MIA2: variants seen among roughly 807,000 people sequenced by gnomAD.
MIA2 encodes melanoma inhibitory activity protein 2.
MIA2 carries 127 observed loss-of-function variants against 167.8 expected under a neutral mutation model. That is an observed-to-expected ratio of 0.76 (90% CI 0.66 to 0.88). MIA2 has a LOEUF of 0.88. MIA2 is among the 40% of genes least tolerant of loss of function. The probability of loss-of-function intolerance (pLI) is 0.00; values close to 1 mark genes in which losing one functional copy is unlikely to be tolerated. For missense variants in MIA2, 1,690 were observed against 1,624.7 expected (o/e 1.04, Z -0.69); for synonymous variants, 552 against 541.9 (o/e 1.02, Z -0.26).
rs2051461730 is a variant in MIA2 at position 39,266,808 on chromosome 14, T to G, written c.1888-10126T>G. Reference sequence around the variant, plus strand: ...GGCTGCGGAAGGAAAGCCTTGGGTGTCGGGGCTGGGCCTGGCGTCGGCCCC... The same window carrying G: ...GGCTGCGGAAGGAAAGCCTTGGGTGGCGGGGCTGGGCCTGGCGTCGGCCCC... On this transcript the variant is annotated intron_variant, in intron 6 of 28. Transcript: ENST00000640607. The G allele has an allele frequency of 2.9e-5, 12 of 413,880 alleles. No homozygotes were observed. In the South Asian group the frequency reaches 1.2e-3, roughly 41 times the overall value. 25.6% of individuals were successfully genotyped at this position (413,880 alleles called of 1,614,324 possible). A position where few individuals can be genotyped will look rare whatever the true frequency, so the allele number is the denominator to read the frequency against.
chr14:39,261,203 T>C (rs2055090977), intron 6 of MIA2, among the ~76,000 whole-genome samples: 1 of 152,218 alleles, frequency 6.6e-6, no homozygotes, highest in Non-Finnish European at 1.5e-5. Flanking sequence ...TGTGTTCTCA[T>C]TGTTCAATTC....
At chr14:39,236,260 G>T (rs1178199271) in intron 1 of MIA2, among the ~76,000 whole-genome samples, 2 of 152,264 alleles carry the variant, frequency 1.3e-5, no homozygotes, top group African/African-American at 4.8e-5. Context: ...CAGTAGGCTG[G>T]AATAATCAGG....
At chr14:39,291,578 G>A (rs1347866585) in intron 10 of MIA2, among the ~76,000 whole-genome samples, 2 of 152,156 alleles carry the variant, frequency 1.3e-5, no homozygotes, top group Admixed American at 6.5e-5. Flanking sequence ...ATAAGTAATG[G>A]TGTATGTTGG....
chr14:39,303,847 C>T (rs895182241), intron 16 of MIA2, among the ~76,000 whole-genome samples: 1 of 151,578 alleles, frequency 6.6e-6, no homozygotes, highest in Non-Finnish European at 1.5e-5. Flanking sequence ...ATTTTCTTAC[C>T]CCTTCTGCCC....
Position 39,252,815 on chromosome 14 carries a change from T to C in MIA2, c.1635T>C (p.Ser545=), listed in dbSNP as rs2054640175. 2 of 1,614,006 alleles carry C rather than the reference T, an allele frequency of 1.2e-6. No individual in the cohort carries two copies. The highest frequency in any genetic ancestry group is 1.7e-6 in the Non-Finnish European group (2 of 1,179,898). The change falls in exon 5 of 29, where the codon TCT becomes TCC. Residue 545 remains serine (S), a synonymous_variant. Coordinates refer to ENST00000640607, the MANE Select transcript of MIA2 (RefSeq NM_001329214.4). The part of the protein sequence containing the change: ...HEEVYFEPSS[S]KDSDENSKPS... ...AAGTATATTTTGAACCCTCATCTTC[T>C]AAAGATAGTGATGAAAATTCGAAAC...
chr14:39,349,723 G>A (rs1443510552), intron 28 of MIA2, among the ~76,000 whole-genome samples: 1 of 151,976 alleles, frequency 6.6e-6, no homozygotes, highest in Non-Finnish European at 1.5e-5. Context: ...ATTAGAATTG[G>A]GAATCACTAA....
chr14:39,358,067 G>C (rs1471061870), intron 23 of MIA2, among the ~76,000 whole-genome samples: 2 of 152,034 alleles, frequency 1.3e-5, no homozygotes, highest in East Asian at 1.9e-4. Context: ...CTTTGTGGTG[G>C]TCTCTGTATT....
intron 3 of MIA2, among the ~76,000 whole-genome samples, chr14:39,241,038 G>A (rs148129021): frequency 6.6e-6 from 1 of 152,278 alleles, no homozygotes; most frequent in East Asian, 1.9e-4. Flanking sequence ...AAGAATAAAT[G>A]AGTATATGTA....
At chr14:39,333,269 T>C (rs577069270) in intron 25 of MIA2, among the ~76,000 whole-genome samples, 13 of 152,188 alleles carry the variant, frequency 8.5e-5, no homozygotes, top group Non-Finnish European at 1.9e-4. Context: ...TCTATTCCTC[T>C]AAGAGTGTTA....
intron 2 of MIA2, among the ~76,000 whole-genome samples, chr14:39,238,073 A>G (rs111509340): frequency 9.0e-4 from 136 of 151,872 alleles, no homozygotes; most frequent in Non-Finnish European, 1.4e-3. Flanking sequence ...GCAAAGTTTT[A>G]GTTAATCAGA....
At chr14:39,341,763 A>G (rs1288971630) in intron 25 of MIA2, among the ~76,000 whole-genome samples, 1 of 152,188 alleles carries the variant, frequency 6.6e-6, no homozygotes, top group African/African-American at 2.4e-5. Context: ...CATCAGTTTG[A>G]AATTTATGGT....
At chr14:39,378,427 T>C (rs1268687650) in intron 23 of MIA2, among the ~76,000 whole-genome samples, 1 of 152,230 alleles carries the variant, frequency 6.6e-6, no homozygotes, top group African/African-American at 2.4e-5. Flanking sequence ...GCACCATCTC[T>C]AAATTTATCC....
chr14:39,294,851 C>G (rs1356798705), intron 12 of MIA2, 74 bp from the exon 13 acceptor site: 5 of 969,534 alleles, frequency 5.2e-6, no homozygotes, highest in African/African-American at 1.6e-5. Flanking sequence ...ATTCTGTGTT[C>G]TAGGGAGTAT....
At chr14:39,337,555 C>T (rs2070724631) in intron 25 of MIA2, among the ~76,000 whole-genome samples, 1 of 152,126 alleles carries the variant, frequency 6.6e-6, no homozygotes, top group Admixed American at 6.6e-5. Flanking sequence ...AACCTCAACA[C>T]ATTTAAAAGA....
chr14:39,324,838 C>G (rs1290032702), intron 24 of MIA2, among the ~76,000 whole-genome samples: 1 of 152,100 alleles, frequency 6.6e-6, no homozygotes, highest in Non-Finnish European at 1.5e-5. Flanking sequence ...AACTCCTCAC[C>G]TCAGGTGATC....
At chr14:39,299,068 TAAAAAAAA>T (rs3065043) in intron 13 of MIA2, among the ~76,000 whole-genome samples, 1,299 of 44,066 alleles carry the variant, frequency 0.029, 22 homozygotes, top group African/African-American at 0.087. Flanking sequence ...TCCCTGCCTC[TAAAAAAAA>T]AAAAAAAAAA....
At chr14:39,289,012 C>T (rs538667317) in intron 9 of MIA2, among the ~76,000 whole-genome samples, 6 of 152,076 alleles carry the variant, frequency 3.9e-5, no homozygotes, top group Admixed American at 3.9e-4. Flanking sequence ...ATATTCCCTC[C>T]TGTTGTTTTT....
chr14:39,267,118 T>A (rs985963778), intron 6 of MIA2: 4 of 1,136,962 alleles, frequency 3.5e-6, no homozygotes, highest in Non-Finnish European at 4.3e-6. Flanking sequence ...AGTTTGCGGC[T>A]GTCCGCGCCT....
intron 24 of MIA2, among the ~76,000 whole-genome samples, chr14:39,325,763 G>A (rs2067414875): frequency 6.7e-6 from 1 of 150,136 alleles, no homozygotes; most frequent in East Asian, 2.0e-4. Flanking sequence ...ACCCAGGCTG[G>A]AGTGCAGTGG....
Sources: allele counts gnomAD v4.1 joint callset (sites outside exome capture counted in the v4.1 genomes callset), GRCh38; gene constraint gnomAD v4.1.1; transcripts MANE v1.5; gene names NCBI Gene and HGNC (gene_info 2026-07-23, HGNC 2026-07-21).